MYRIP: variants seen among roughly 807,000 people sequenced by gnomAD.
MYRIP encodes the protein rab effector MyRIP.
In MYRIP, 49 loss-of-function variants were observed where a neutral mutation model predicts 98.0. The ratio of observed to expected loss-of-function variants is 0.50; its 90% CI spans 0.40 to 0.63. The LOEUF is 0.63. MYRIP is among the 30% of genes least tolerant of loss of function. The probability of loss-of-function intolerance (pLI) is 0.00; values close to 1 mark genes in which losing one functional copy is unlikely to be tolerated. For missense variants in MYRIP, 1,004 were observed against 1,058.2 expected (o/e 0.95, Z 0.71); for synonymous variants, 404 against 409.5 (o/e 0.99, Z 0.16).
At chr3:40,049,214 C>T (rs1001822122) in intron 3 of MYRIP, among the ~76,000 whole-genome samples, 1 of 152,070 alleles carries the variant, frequency 6.6e-6, no homozygotes, top group Non-Finnish European at 1.5e-5. Context: ...CTTTACTGTG[C>T]TTCACAGATA....
chr3:39,929,966 G>T (rs1250138929), intron 2 of MYRIP, among the ~76,000 whole-genome samples: 1 of 151,936 alleles, frequency 6.6e-6, no homozygotes, highest in Admixed American at 6.6e-5. Flanking sequence ...TTCATTAGTT[G>T]ATGACCTGAG....
intron 10 of MYRIP, among the ~76,000 whole-genome samples, chr3:40,193,820 T>G (rs1211260686): frequency 6.6e-6 from 1 of 152,252 alleles, no homozygotes; most frequent in African/African-American, 2.4e-5. Flanking sequence ...ATTTTTCCTG[T>G]GTTTAAAGCT....
intron 3 of MYRIP, among the ~76,000 whole-genome samples, chr3:40,046,084 A>G (rs928509622): frequency 6.6e-6 from 1 of 152,270 alleles, no homozygotes; most frequent in African/African-American, 2.4e-5. Flanking sequence ...AAGTTAAGGG[A>G]CCAAAATACC....
intron 3 of MYRIP, among the ~76,000 whole-genome samples, chr3:40,044,642 A>C (rs1947628686): frequency 6.6e-6 from 1 of 152,136 alleles, no homozygotes; most frequent in African/African-American, 2.4e-5. Context: ...CATGATGGTG[A>C]ATTAGGCCAA....
chr3:40,135,812 A>C (rs977968332), intron 3 of MYRIP, among the ~76,000 whole-genome samples: 5 of 152,218 alleles, frequency 3.3e-5, no homozygotes, highest in South Asian at 2.1e-4. Context: ...GAAATAAAAT[A>C]CTTTACAGAC....
At chr3:40,066,172 T>C (rs537073194) in intron 3 of MYRIP, among the ~76,000 whole-genome samples, 1 of 152,324 alleles carries the variant, frequency 6.6e-6, no homozygotes, top group East Asian at 1.9e-4. Flanking sequence ...GAGACCTCTC[T>C]GATGAGCCCA....
At chr3:40,139,140 A>C (rs2125559141) in intron 3 of MYRIP, among the ~76,000 whole-genome samples, 1 of 152,322 alleles carries the variant, frequency 6.6e-6, no homozygotes, top group South Asian at 2.1e-4. Context: ...TGTTGCCATG[A>C]ATGACAGAAT....
intron 11 of MYRIP, among the ~76,000 whole-genome samples, chr3:40,215,710 C>T (rs1391936984): frequency 6.6e-6 from 1 of 152,224 alleles, no homozygotes; most frequent in African/African-American, 2.4e-5. Context: ...CAGCACCCTA[C>T]AACCCAGGGA....
At chr3:39,985,108 G>T (rs1003512297) in intron 2 of MYRIP, among the ~76,000 whole-genome samples, 1 of 151,858 alleles carries the variant, frequency 6.6e-6, no homozygotes, top group African/African-American at 2.4e-5. Flanking sequence ...TGAGTTCATT[G>T]TAGATTCTGG....
intron 1 of MYRIP, among the ~76,000 whole-genome samples, chr3:39,881,895 G>C (rs1943164648): frequency 6.6e-6 from 1 of 151,288 alleles, no homozygotes; most frequent in Non-Finnish European, 1.5e-5. Context: ...TCTTCTTCTT[G>C]TCTTTTTTTC....
chr3:40,167,409 A>G (rs1220006935), intron 7 of MYRIP, among the ~76,000 whole-genome samples, 170 bp downstream of exon 7: 1 of 152,156 alleles, frequency 6.6e-6, no homozygotes, highest in Non-Finnish European at 1.5e-5. Flanking sequence ...AATGCATCGC[A>G]CTGCTTGCTT....
chr3:40,049,559 G>T (rs1047463057), intron 3 of MYRIP, among the ~76,000 whole-genome samples: 1 of 151,478 alleles, frequency 6.6e-6, no homozygotes, highest in African/African-American at 2.4e-5. Flanking sequence ...CTCTCCCCAG[G>T]CCTCCTTATT....
Position 39,873,352 on chromosome 3 carries a change from A to G in MYRIP, c.-30-27435A>G, listed in dbSNP as rs1031968905. On this transcript the variant is annotated intron_variant, in intron 1 of 16. Coordinates refer to ENST00000302541, the MANE Select transcript of MYRIP (RefSeq NM_015460.4). ...AAGCTCCTTAGTTTAATGAGATCCC[A>G]TTTGTCAATTTTGGCTTTTGTTGCC... Among the ~76,000 whole-genome samples the G allele has an allele frequency of 1.2e-3, 184 of 152,160 alleles. 1 individual carries two copies. Among genetic ancestry groups the G allele is most frequent in the Non-Finnish European group, 9.9e-4 (67 of 68,006 alleles).
chr3:39,875,828 G>A (rs879365346), intron 1 of MYRIP, among the ~76,000 whole-genome samples: 15 of 152,054 alleles, frequency 9.9e-5, no homozygotes, highest in Middle Eastern at 3.4e-3. Context: ...TTGATTTGGG[G>A]TGGAGAGTTC....
intron 1 of MYRIP, among the ~76,000 whole-genome samples, chr3:39,887,668 T>A (rs1943347783): frequency 6.6e-6 from 1 of 152,058 alleles, no homozygotes; most frequent in Admixed American, 6.6e-5. Flanking sequence ...GTGTTGAAAG[T>A]TCTGGCCAGG....
At chr3:40,244,351 AT>A (rs1953116269) in intron 12 of MYRIP, 94 bp from the exon 13 acceptor site, 1 of 1,108,244 alleles carries the variant, frequency 9.0e-7, no homozygotes, top group African/African-American at 1.6e-5. Context: ...AAGTCCAGTT[AT>A]CTCACTCCCC....
At chr3:39,825,552 A>G (rs770624901) in intron 1 of MYRIP, among the ~76,000 whole-genome samples, 1 of 152,102 alleles carries the variant, frequency 6.6e-6, no homozygotes, top group Non-Finnish European at 1.5e-5. Context: ...CCACTTCATC[A>G]TGGTGTATTA....
chr3:40,157,853 A>G (rs1950280042), intron 4 of MYRIP, among the ~76,000 whole-genome samples: 1 of 151,362 alleles, frequency 6.6e-6, no homozygotes, highest in Non-Finnish European at 1.5e-5. Flanking sequence ...CCCCTTTATC[A>G]TTTTTTATTG....
In MYRIP at chr3:39,958,210, C is replaced by T. The variant is rs1487315323; in HGVS notation, c.110+57284C>T. Among the ~76,000 whole-genome samples, 6 of 152,092 alleles carry T rather than the reference C, an allele frequency of 3.9e-5. No homozygotes were observed. The East Asian group carries it at 5.8e-4, about 15-fold the overall frequency. On this transcript the variant is annotated intron_variant, in intron 2 of 16. Coordinates refer to ENST00000302541, the MANE Select transcript of MYRIP (RefSeq NM_015460.4). ...GTTCATACGGAACCAAAAAAGAACC[C>T]GCATTGCCAAGTCAATCCTAAGCCA...
Sources: allele counts gnomAD v4.1 joint callset (sites outside exome capture counted in the v4.1 genomes callset), GRCh38; gene constraint gnomAD v4.1.1; transcripts MANE v1.5; gene names NCBI Gene and HGNC (gene_info 2026-07-23, HGNC 2026-07-21).